The following MAP9 variants were observed in gnomAD, a reference collection of about 807,000 sequenced individuals.
MAP9 encodes the protein microtubule-associated protein 9.
In MAP9, 80 loss-of-function variants were observed where a neutral mutation model predicts 75.2. That is an observed-to-expected ratio of 1.06 (90% CI 0.89 to 1.28). The LOEUF is 1.28. Ranked by LOEUF, MAP9 falls within the 50% of genes most tolerant of loss-of-function variation. MAP9 has a pLI of 0.00. For missense variants in MAP9, 753 were observed against 719.9 expected (o/e 1.05, Z -0.53); for synonymous variants, 235 against 237.3 (o/e 0.99, Z 0.09).
In MAP9 at chr4:155,373,124, C is replaced by A; in HGVS notation, c.481+12G>T. On this transcript the variant is annotated intron_variant, in intron 4 of 13. Transcript: ENST00000311277. ...TCCAAGAAATGCAATTACAGTAATC[C>A]TAACAAATTACCTGAAGATGTGCTT... 2 of 1,498,294 alleles carry A rather than the reference C, an allele frequency of 1.3e-6. No homozygotes were observed. The highest frequency in any genetic ancestry group is 2.3e-5 in the East Asian group (1 of 43,456). 92.8% of individuals were successfully genotyped at this position (1,498,294 alleles called of 1,614,324 possible). A position where few individuals can be genotyped will look rare whatever the true frequency, so the allele number is the denominator to read the frequency against.
chr4:155,351,708 G>A (rs1477913609), intron 13 of MAP9, among the ~76,000 whole-genome samples: 3 of 151,868 alleles, frequency 2.0e-5, no homozygotes, highest in African/African-American at 7.2e-5. Flanking sequence ...TAAATGGCCT[G>A]TATACAAATG....
At chr4:155,357,828 G>A (rs147213715) in intron 7 of MAP9, among the ~76,000 whole-genome samples, 61 of 152,216 alleles carry the variant, frequency 4.0e-4, no homozygotes, top group African/African-American at 1.4e-3. Context: ...CTGTCCTGAG[G>A]GGCTGACATC....
At position 155,345,208 on chromosome 4, in the gene MAP9, A is replaced by AG. The variant is rs1731239946; in HGVS notation, c.*2574dup. The AG allele has an allele frequency of 6.6e-6, 1 of 151,996 alleles. No homozygotes were observed. The highest frequency in any genetic ancestry group is 1.5e-5 in the Non-Finnish European group (1 of 67,912). 9.4% of individuals were successfully genotyped at this position (151,996 alleles called of 1,614,324 possible). A position where few individuals can be genotyped will look rare whatever the true frequency, so the allele number is the denominator to read the frequency against. ...TATTTTCACCCACCTCCCCGAACTC[A>AG]GCTTTATTTGTGCTAGAAGAGGTGA... On this transcript the variant is annotated 3_prime_UTR_variant, in exon 14 of 14. Coordinates refer to ENST00000311277, the MANE Select transcript of MAP9 (RefSeq NM_001039580.2).
chr4:155,351,464 A>C lies in MAP9; in HGVS notation c.1821+1132T>G, dbSNP rs1383812560. Reference sequence around the variant, plus strand: ...GAAAATCAAAAGCCAAAAAAAAAAAACAGAAATCTGACACCTAAAATTTAA... The same window carrying C: ...GAAAATCAAAAGCCAAAAAAAAAAACCAGAAATCTGACACCTAAAATTTAA... On this transcript the variant is annotated intron_variant, in intron 13 of 13. Transcript: ENST00000311277. Among the ~76,000 whole-genome samples, 11 of 151,744 alleles carry C rather than the reference A, an allele frequency of 7.2e-5. No homozygotes were observed. The East Asian group carries it at 1.7e-3, about 24-fold the overall frequency.
chr4:155,370,636 G>A (rs1732550689), intron 4 of MAP9, among the ~76,000 whole-genome samples: 1 of 150,884 alleles, frequency 6.6e-6, no homozygotes, highest in Non-Finnish European at 1.5e-5. Context: ...CCTGAAAGAA[G>A]GTGTTGAGTC....
At chr4:155,348,109 G>T (rs1339317345) in intron 13 of MAP9, among the ~76,000 whole-genome samples, 1 of 152,174 alleles carries the variant, frequency 6.6e-6, no homozygotes, top group Non-Finnish European at 1.5e-5. Context: ...ACTAAGGTGG[G>T]TGGATTGTTT....
intron 5 of MAP9, among the ~76,000 whole-genome samples, chr4:155,365,480 G>T (rs577340657): frequency 2.6e-5 from 4 of 151,978 alleles, no homozygotes; most frequent in African/African-American, 9.7e-5. Context: ...GGATAAAGAA[G>T]ATCTGAATGA....
chr4:155,349,487 T>C (rs567201822), intron 13 of MAP9: 1 of 152,256 alleles, frequency 6.6e-6, no homozygotes, highest in African/African-American at 2.4e-5. Flanking sequence ...TCAGTATATA[T>C]ATAAATGCCA....
At chr4:155,350,023 T>A (rs1273655157) in intron 13 of MAP9, 1 of 231,668 alleles carries the variant, frequency 4.3e-6, no homozygotes, top group Non-Finnish European at 8.6e-6. Context: ...AGCTTTTTGC[T>A]TATTTTCTTA....
intron 5 of MAP9, chr4:155,362,412 C>A: frequency 3.6e-6 from 1 of 278,332 alleles, no homozygotes; most frequent in East Asian, 6.9e-5. Context: ...TATTTTTTAC[C>A]AATTTTCAAA....
At position 155,355,054 on chromosome 4, in the gene MAP9, T is replaced by A. The variant is rs1166554667; in HGVS notation, c.1380+17A>T. 5 of 1,169,280 alleles carry A rather than the reference T, an allele frequency of 4.3e-6. No individual in the cohort carries two copies. Among genetic ancestry groups the A allele is most frequent in the Non-Finnish European group, 4.8e-6 (4 of 830,520 alleles). The allele number at this position is 1,169,280 out of a possible 1,614,324, so 72.4% of individuals were successfully genotyped here. Reference sequence around the variant, plus strand: ...AATAAAAATCCAAAACATTTTTACTTCTATATGTCAGAATACCTGTTCATT... The same window carrying A: ...AATAAAAATCCAAAACATTTTTACTACTATATGTCAGAATACCTGTTCATT... On this transcript the variant is annotated intron_variant, in intron 10 of 13. Coordinates refer to ENST00000311277, the MANE Select transcript of MAP9 (RefSeq NM_001039580.2).
intron 4 of MAP9, among the ~76,000 whole-genome samples, chr4:155,371,210 A>C (rs1227671818): frequency 6.6e-6 from 1 of 152,176 alleles, no homozygotes; most frequent in African/African-American, 2.4e-5. Flanking sequence ...TTCAAGCTCT[A>C]ATAGTTTCAT....
In MAP9 at chr4:155,345,168, T is replaced by C. The variant is rs1259145437; in HGVS notation, c.*2615A>G. 1 of 152,016 alleles carries C rather than the reference T, an allele frequency of 6.6e-6. No homozygotes were observed. The highest frequency in any genetic ancestry group is 2.4e-5 in the African/African-American group (1 of 41,424). The allele number at this position is 152,016 out of a possible 1,614,324, so 9.4% of individuals were successfully genotyped here. A position where few individuals can be genotyped will look rare whatever the true frequency, so the allele number is the denominator to read the frequency against. ...ATTCTCTCCCTTGGATCTTAGGAAG[T>C]AAACAACAGTACTGTATTTTCACCC... is the stretch of plus-strand genomic sequence containing the variant. On this transcript the variant is annotated 3_prime_UTR_variant, in exon 14 of 14. Transcript: ENST00000311277.
intron 5 of MAP9, among the ~76,000 whole-genome samples, chr4:155,366,095 T>C (rs2111257766): frequency 6.6e-6 from 1 of 152,258 alleles, no homozygotes. Flanking sequence ...GCGCCGTGGC[T>C]CACGCCTGTA....
At chr4:155,371,455 A>G (rs1166896660) in intron 4 of MAP9, among the ~76,000 whole-genome samples, 1 of 152,042 alleles carries the variant, frequency 6.6e-6, no homozygotes, top group Non-Finnish European at 1.5e-5. Flanking sequence ...GAAGAACCTG[A>G]GAATGACAAC....
chr4:155,368,960 A>T lies in MAP9; in HGVS notation c.482-148T>A, dbSNP rs955315082. ...CAGATGAAGCCCACAACTCTTCTCT[A>T]TACAGAGCTCTAGTAAGGCACAAAT... On this transcript the variant is annotated intron_variant, in intron 4 of 13. Transcript: ENST00000311277. 5 of 628,272 alleles carry T rather than the reference A, an allele frequency of 8.0e-6. No homozygotes were observed. The African/African-American group carries it at 9.2e-5, about 12-fold the overall frequency. 38.9% of individuals were successfully genotyped at this position (628,272 alleles called of 1,614,324 possible).
At chr4:155,355,637 A>G in intron 9 of MAP9, 79 bp downstream of exon 9, 1 of 1,082,064 alleles carries the variant, frequency 9.2e-7, no homozygotes, top group South Asian at 2.2e-5. Context: ...TTCTATCAGG[A>G]TTACTTTATT....
At chr4:155,360,587 A>G in intron 6 of MAP9, 172 bp from the exon 7 acceptor site, 1 of 610,048 alleles carries the variant, frequency 1.6e-6, no homozygotes. Flanking sequence ...AAAGTGATTT[A>G]CAAAAAAAAA....
chr4:155,347,577 T>C lies in MAP9; in HGVS notation c.*206A>G, dbSNP rs766476397. 1.1e-5 allele frequency: 5 copies of C among 444,432 alleles called. No individual in the cohort carries two copies. The highest frequency in any genetic ancestry group is 4.0e-5 in the African/African-American group (2 of 49,416). The allele number at this position is 444,432 out of a possible 1,614,324, so 27.5% of individuals were successfully genotyped here. A position where few individuals can be genotyped will look rare whatever the true frequency, so the allele number is the denominator to read the frequency against. On this transcript the variant is annotated 3_prime_UTR_variant, in exon 14 of 14. Transcript: ENST00000311277. The stretch of plus-strand genomic sequence containing the variant: ...CTTAATGGTAAAAACAATCTGATTA[T>C]TAGGTCTTTGTTTGAGGCAGTTTAT...
Sources: gnomAD v4.1 joint callset for allele counts (sites outside exome capture counted in the v4.1 genomes callset) on GRCh38, gnomAD v4.1.1 for gene constraint, MANE v1.5 for transcripts, NCBI Gene and HGNC (gene_info 2026-07-23, HGNC 2026-07-21) for gene names.